The following PPARGC1A variants were observed in gnomAD, a reference collection of about 807,000 sequenced individuals.
PPARGC1A encodes peroxisome proliferator-activated receptor gamma coactivator 1-alpha.
A neutral mutation model predicts 88.7 loss-of-function variants in PPARGC1A; 25 were observed. That is an observed-to-expected ratio of 0.28 (90% CI 0.21 to 0.39). PPARGC1A has a LOEUF of 0.39. Among genes scored for constraint, PPARGC1A ranks in the 10% least tolerant of loss-of-function variants. PPARGC1A has a pLI of 1.00. For synonymous variants in PPARGC1A, 363 were observed against 355.6 expected, an observed-to-expected ratio of 1.02 and a Z score of -0.24; for missense variants, 880 against 968.7, an observed-to-expected ratio of 0.91 and a Z score of 1.22.
At chr4:24,407,371 C>T in the PPARGC1A span, among the ~76,000 whole-genome samples, 1 of 152,302 alleles carries the variant, frequency 6.6e-6, no homozygotes, top group East Asian at 1.9e-4. Flanking sequence ...TCATCCCTGC[C>T]TCCTTTACAG....
chr4:23,919,248 G>C, the PPARGC1A span, among the ~76,000 whole-genome samples: 2 of 152,064 alleles, frequency 1.3e-5, no homozygotes, highest in African/African-American at 4.8e-5. Flanking sequence ...GTTTATACTA[G>C]TCCTTATAAA....
chr4:24,378,843 CTA>C, the PPARGC1A span, among the ~76,000 whole-genome samples: 1 of 152,148 alleles, frequency 6.6e-6, no homozygotes, highest in Non-Finnish European at 1.5e-5. Context: ...CTCACACATT[CTA>C]TATGACTAAT....
chr4:24,387,900 G>T, the PPARGC1A span, among the ~76,000 whole-genome samples: 1 of 33,692 alleles, frequency 3.0e-5, no homozygotes, highest in African/African-American at 9.2e-5. Context: ...GAAAGAAAAA[G>T]AAAGAGAAAG....
the PPARGC1A span, among the ~76,000 whole-genome samples, chr4:24,164,037 T>C: frequency 6.6e-6 from 1 of 152,230 alleles, no homozygotes; most frequent in African/African-American, 2.4e-5. Context: ...TCCTGTTTGA[T>C]AGAATAATTC....
the PPARGC1A span, among the ~76,000 whole-genome samples, chr4:23,939,403 A>C: frequency 6.6e-6 from 1 of 152,214 alleles, no homozygotes; most frequent in African/African-American, 2.4e-5. Flanking sequence ...ATACTCAAAA[A>C]TGTGTGTTTC....
chr4:24,328,098 C>CT, the PPARGC1A span, among the ~76,000 whole-genome samples: 1 of 152,016 alleles, frequency 6.6e-6, no homozygotes, highest in Non-Finnish European at 1.5e-5. Context: ...CCACCCCTAT[C>CT]TCCCTTCGCT....
chr4:24,066,180 G>A, the PPARGC1A span, among the ~76,000 whole-genome samples: 2 of 151,976 alleles, frequency 1.3e-5, no homozygotes, highest in Non-Finnish European at 2.9e-5. Context: ...GCCGAACGAG[G>A]GAGGACGACT....
chr4:24,021,822 A>G, the PPARGC1A span, among the ~76,000 whole-genome samples: 17 of 152,208 alleles, frequency 1.1e-4, no homozygotes, highest in Admixed American at 3.3e-4. Context: ...TGTCACTAGC[A>G]TTAGCATCCC....
At chr4:24,110,888 C>T in the PPARGC1A span, among the ~76,000 whole-genome samples, 190 of 152,242 alleles carry the variant, frequency 1.2e-3, no homozygotes, top group South Asian at 4.8e-3. Context: ...ACAGTTAAAA[C>T]ATGAAAGAAA....
the PPARGC1A span, among the ~76,000 whole-genome samples, chr4:24,118,271 G>C: frequency 6.6e-6 from 1 of 152,080 alleles, no homozygotes; most frequent in Non-Finnish European, 1.5e-5. Context: ...TGATTTTCTT[G>C]TCAGCCTGCC....
chr4:24,307,183 A>C, the PPARGC1A span, among the ~76,000 whole-genome samples: 55,586 of 151,922 alleles, frequency 0.37, 10,589 homozygotes, highest in African/African-American at 0.47. Flanking sequence ...CCTGCAATAC[A>C]TACCCAAGTC....
At chr4:24,043,735 C>T in the PPARGC1A span, among the ~76,000 whole-genome samples, 1 of 152,094 alleles carries the variant, frequency 6.6e-6, no homozygotes, top group Non-Finnish European at 1.5e-5. Context: ...TGTTAGGTAA[C>T]TAAGAGGATT....
the PPARGC1A span, among the ~76,000 whole-genome samples, chr4:23,934,363 G>A: frequency 6.6e-6 from 1 of 152,234 alleles, no homozygotes; most frequent in Admixed American, 6.5e-5. Context: ...TCAATGTTCA[G>A]CAGCGACACT....
At chr4:23,797,765 G>T (rs903527492) in intron 12 of PPARGC1A, among the ~76,000 whole-genome samples, 1 of 152,052 alleles carries the variant, frequency 6.6e-6, no homozygotes, top group African/African-American at 2.4e-5. Context: ...AATTTCTGAG[G>T]CAATAACATC....
chr4:24,307,379 A>G, the PPARGC1A span, among the ~76,000 whole-genome samples: 1 of 152,218 alleles, frequency 6.6e-6, no homozygotes, highest in Non-Finnish European at 1.5e-5. Flanking sequence ...TTGCAAAATT[A>G]AATTTTGTGC....
At chr4:24,008,557 G>A in the PPARGC1A span, among the ~76,000 whole-genome samples, 2 of 152,190 alleles carry the variant, frequency 1.3e-5, no homozygotes, top group Admixed American at 1.3e-4. Context: ...AAATCCCTAG[G>A]TAAGCACAGT....
the PPARGC1A span, among the ~76,000 whole-genome samples, chr4:24,305,608 T>C: frequency 1.3e-5 from 2 of 151,950 alleles, no homozygotes; most frequent in Non-Finnish European, 2.9e-5. Context: ...AAGTTGGGAG[T>C]TCGAGACCAG....
chr4:23,805,009 C>A (rs1362549928), intron 10 of PPARGC1A, among the ~76,000 whole-genome samples: 1 of 152,130 alleles, frequency 6.6e-6, no homozygotes, highest in Admixed American at 6.5e-5. Context: ...CAGTAGAGAC[C>A]ATATCTGTTC....
At chr4:23,810,400 G>A (rs1720679589) in intron 10 of PPARGC1A, among the ~76,000 whole-genome samples, 1 of 152,180 alleles carries the variant, frequency 6.6e-6, no homozygotes, top group African/African-American at 2.4e-5. Flanking sequence ...AGAGGAACTA[G>A]TCAACATTTG....
Sources: gnomAD v4.1 joint callset for allele counts (sites outside exome capture counted in the v4.1 genomes callset) on GRCh38, gnomAD v4.1.1 for gene constraint, MANE v1.5 for transcripts, NCBI Gene and HGNC (gene_info 2026-07-23, HGNC 2026-07-21) for gene names.